Variants in HUNK observed in about 807,000 individuals in gnomAD.
HUNK encodes the protein hormonally up-regulated neu tumor-associated kinase.
In HUNK, 21 loss-of-function variants were observed where a neutral mutation model predicts 61.0. That is an observed-to-expected ratio of 0.34 (90% confidence interval 0.24 to 0.50). HUNK has a LOEUF of 0.50. HUNK is among the 20% of genes least tolerant of loss of function. The pLI is 0.98. For missense variants in HUNK, 772 were observed against 945.7 expected, an observed-to-expected ratio of 0.82 and a Z score of 2.41; for synonymous variants, 371 against 386.1, an observed-to-expected ratio of 0.96 and a Z score of 0.46.
chr21:31,936,469 C>T (rs1030925806), intron 2 of HUNK, among the ~76,000 whole-genome samples: 2 of 152,162 alleles, frequency 1.3e-5, no homozygotes, highest in African/African-American at 4.8e-5. Context: ...AGCTCACCCT[C>T]CCATTAACTA....
intron 4 of HUNK, among the ~76,000 whole-genome samples, chr21:31,946,904 G>A (rs986361073): frequency 6.6e-6 from 1 of 152,230 alleles, no homozygotes; most frequent in Non-Finnish European, 1.5e-5. Flanking sequence ...CATGAGCCAC[G>A]CGCCCGGCCG....
chr21:31,962,185 C>T (rs2052933740), intron 5 of HUNK, among the ~76,000 whole-genome samples: 1 of 152,170 alleles, frequency 6.6e-6, no homozygotes, highest in Non-Finnish European at 1.5e-5. Flanking sequence ...TGCGGCTTCA[C>T]CCAACTAAAG....
chr21:31,967,846 A>G (rs1448398805), intron 5 of HUNK, among the ~76,000 whole-genome samples: 3 of 152,192 alleles, frequency 2.0e-5, no homozygotes, highest in African/African-American at 7.2e-5. Context: ...CAAGCCTGTC[A>G]ATAGTGCATC....
intron 1 of HUNK, among the ~76,000 whole-genome samples, chr21:31,890,186 T>G (rs552133466): frequency 4.6e-5 from 7 of 152,242 alleles, no homozygotes; most frequent in Admixed American, 3.3e-4. Flanking sequence ...TTGCCACTTG[T>G]TACTATACTA....
At chr21:31,902,246 C>T (rs1045601827) in intron 1 of HUNK, among the ~76,000 whole-genome samples, 3 of 152,284 alleles carry the variant, frequency 2.0e-5, no homozygotes, top group Non-Finnish European at 4.4e-5. Flanking sequence ...CGCGGTGGCT[C>T]ACACCTGTAA....
intron 5 of HUNK, among the ~76,000 whole-genome samples, chr21:31,963,234 G>C (rs753873580): frequency 1.3e-5 from 2 of 152,150 alleles, no homozygotes; most frequent in Non-Finnish European, 2.9e-5. Context: ...GTAAGTCCCT[G>C]TTTACCAGTG....
At chr21:31,968,111 C>A in intron 5 of HUNK, 139 bp from the exon 6 acceptor site, 1 of 1,000,850 alleles carries the variant, frequency 1.0e-6, no homozygotes, top group Non-Finnish European at 1.5e-6. Context: ...GAACCCTGCC[C>A]AGAGACCTAG....
chr21:31,976,008 G>A (rs1362251267), intron 7 of HUNK, among the ~76,000 whole-genome samples: 1 of 152,174 alleles, frequency 6.6e-6, no homozygotes, highest in Non-Finnish European at 1.5e-5. Flanking sequence ...CTTCCATTGT[G>A]CTTCCGCAGG....
intron 2 of HUNK, among the ~76,000 whole-genome samples, chr21:31,932,189 C>A (rs561583529): frequency 5.3e-5 from 8 of 152,234 alleles, no homozygotes; most frequent in African/African-American, 9.6e-5. Flanking sequence ...GGCGTAAACA[C>A]ACACACACAC....
intron 1 of HUNK, among the ~76,000 whole-genome samples, chr21:31,904,789 T>C (rs1447493083): frequency 6.6e-6 from 1 of 152,206 alleles, no homozygotes; most frequent in Non-Finnish European, 1.5e-5. Context: ...GATTTGGAGA[T>C]AGTCTTTAAA....
chr21:31,981,362 T>C (rs986692065), intron 7 of HUNK, among the ~76,000 whole-genome samples: 2 of 124,760 alleles, frequency 1.6e-5, no homozygotes, highest in African/African-American at 3.5e-5. Flanking sequence ...TCCATACAAA[T>C]GTTAGGATTT....
At chr21:31,875,174 A>ACCTGGGGGCCTCTGCCCAG in intron 1 of HUNK, among the ~76,000 whole-genome samples, 1 of 152,196 alleles carries the variant, frequency 6.6e-6, no homozygotes, top group African/African-American at 2.4e-5. Context: ...CTGCCTTCCG[A>ACCTGGGGGCCTCTGCCCAG]CCTGGGGGCC....
At chr21:31,909,130 A>T (rs536893341) in intron 1 of HUNK, among the ~76,000 whole-genome samples, 1 of 152,222 alleles carries the variant, frequency 6.6e-6, no homozygotes, top group Non-Finnish European at 1.5e-5. Flanking sequence ...TGGATAATAA[A>T]TGCATCTTGG....
chr21:31,906,005 C>A (rs1193650596), intron 1 of HUNK, among the ~76,000 whole-genome samples: 1 of 151,610 alleles, frequency 6.6e-6, no homozygotes, highest in East Asian at 1.9e-4. Context: ...TTTCCTGGAG[C>A]TGCTGTGTCT....
At position 32,000,589 on chromosome 21, in the gene HUNK, G is replaced by GTCT. The variant is rs1355536138; in HGVS notation, c.*1408_*1410dup. On this transcript the variant is annotated 3_prime_UTR_variant, in exon 11 of 11. Coordinates refer to ENST00000270112, the MANE Select transcript of HUNK (RefSeq NM_014586.2). The stretch of plus-strand genomic sequence containing the variant: ...GAGACCAGTTACAGAATGGCCTGGA[G>GTCT]TCTTCAACTTTTGACCGGTGCAGGT... The GTCT allele has an allele frequency of 2.5e-6, 1 of 399,032 alleles. No individual in the cohort carries two copies. Among genetic ancestry groups the GTCT allele is most frequent in the African/African-American group, 2.1e-5 (1 of 48,648 alleles). 24.7% of individuals were successfully genotyped at this position (399,032 alleles called of 1,614,324 possible). A position where few individuals can be genotyped will look rare whatever the true frequency, so the allele number is the denominator to read the frequency against.
intron 8 of HUNK, among the ~76,000 whole-genome samples, chr21:31,987,567 T>C (rs540950354): frequency 1.3e-5 from 2 of 152,350 alleles, no homozygotes; most frequent in Admixed American, 6.5e-5. Flanking sequence ...TTATTTCCTC[T>C]GTCCTGAAGA....
rs1197542612 is a variant in HUNK at position 31,924,082 on chromosome 21, G to A, written c.262-386G>A. 6.6e-6 allele frequency among the ~76,000 whole-genome samples: 1 copy of A among 152,102 alleles called. No individual in the cohort carries two copies. Among genetic ancestry groups the A allele is most frequent in the Non-Finnish European group, 1.5e-5 (1 of 68,014 alleles). ...GAGGGAGATGATGGTGAGTCCTGAG[G>A]GGGACTGGGACAAGCCCTTTGCTGG... On this transcript the variant is annotated intron_variant, in intron 1 of 10. Coordinates refer to ENST00000270112, the MANE Select transcript of HUNK (RefSeq NM_014586.2). This position sits in a 1 kb window ranked among gnomAD's most constrained non-coding sequence, Gnocchi z 5.1.
At chr21:31,973,535 C>T (rs1355640592) in intron 6 of HUNK, among the ~76,000 whole-genome samples, 3 of 152,156 alleles carry the variant, frequency 2.0e-5, no homozygotes, top group Admixed American at 6.6e-5. Context: ...AGCCCTCCCC[C>T]TGATTTCTCA....
chr21:31,991,328 C>G (rs2053170816), intron 9 of HUNK, among the ~76,000 whole-genome samples: 1 of 152,072 alleles, frequency 6.6e-6, no homozygotes, highest in South Asian at 2.1e-4. Context: ...AAATGATTCT[C>G]CTGTCTCAAC....
Sources: allele counts gnomAD v4.1 joint callset (sites outside exome capture counted in the v4.1 genomes callset), GRCh38; gene constraint gnomAD v4.1.1; non-coding constraint Gnocchi (gnomAD v3.1); transcripts MANE v1.5; gene names NCBI Gene and HGNC (gene_info 2026-07-23, HGNC 2026-07-21).